The following VMP1 variants were observed in gnomAD, a reference collection of about 807,000 sequenced individuals.
VMP1 encodes ectopic P-granules autophagy protein 3 homolog.
In VMP1, 11 loss-of-function variants were observed where a neutral mutation model predicts 56.0. The observed-to-expected ratio is 0.20, with a 90% CI of 0.12 to 0.32. The LOEUF (loss-of-function observed/expected upper bound fraction) is 0.32. Ranked by LOEUF, VMP1 falls within the 10% of genes least tolerant of loss-of-function variation. VMP1 has a pLI of 1.00. For synonymous variants in VMP1, 149 were observed against 165.0 expected, an observed-to-expected ratio of 0.90 and a Z score of 0.74; for missense variants, 296 against 490.3, an observed-to-expected ratio of 0.60 and a Z score of 3.74.
At chr17:59,800,429 C>G (rs758999999) in intron 7 of VMP1, among the ~76,000 whole-genome samples, 3 of 152,126 alleles carry the variant, frequency 2.0e-5, no homozygotes, top group Non-Finnish European at 4.4e-5. Context: ...CAGAAACCAG[C>G]AAGTAATTTT....
intron 10 of VMP1, among the ~76,000 whole-genome samples, chr17:59,824,093 A>T (rs1031748196): frequency 2.0e-5 from 3 of 151,914 alleles, no homozygotes; most frequent in African/African-American, 7.2e-5. Context: ...TCCACTAAAC[A>T]TACAAAAATT....
intron 7 of VMP1, among the ~76,000 whole-genome samples, chr17:59,789,547 T>C (rs925101587): frequency 3.3e-5 from 5 of 151,550 alleles, no homozygotes; most frequent in African/African-American, 7.3e-5. Flanking sequence ...AAAGGCCCTG[T>C]ATTGAAACTT....
chr17:59,783,734 A>G (rs1266922505), intron 7 of VMP1, among the ~76,000 whole-genome samples: 1 of 152,090 alleles, frequency 6.6e-6, no homozygotes, highest in East Asian at 1.9e-4. Flanking sequence ...TCTCCATAGT[A>G]TCTTACATGC....
chr17:59,805,342 A>G (rs2037809692), intron 7 of VMP1, among the ~76,000 whole-genome samples: 1 of 152,212 alleles, frequency 6.6e-6, no homozygotes, highest in African/African-American at 2.4e-5. Flanking sequence ...CCTCTTTGTT[A>G]GTAATGATCA....
chr17:59,771,238 T>C (rs1166495446), intron 6 of VMP1, among the ~76,000 whole-genome samples: 1 of 151,554 alleles, frequency 6.6e-6, no homozygotes, highest in Non-Finnish European at 1.5e-5. Context: ...AGTGGCACAA[T>C]CACAGCTCAC....
chr17:59,722,462 ATT>A (rs1476662094), intron 1 of VMP1, among the ~76,000 whole-genome samples: 4 of 152,094 alleles, frequency 2.6e-5, no homozygotes, highest in Non-Finnish European at 5.9e-5. Context: ...TTAGTTAATA[ATT>A]TTATGGTTAT....
At chr17:59,756,935 A>G (rs2035862116) in intron 5 of VMP1, among the ~76,000 whole-genome samples, 1 of 152,204 alleles carries the variant, frequency 6.6e-6, no homozygotes, top group African/African-American at 2.4e-5. Context: ...TTTAAATGCT[A>G]CAAAGTGTGT....
In VMP1 at chr17:59,729,458, G is replaced by A. The variant is rs1355150870; in HGVS notation, c.-26-1963G>A. Among the ~76,000 whole-genome samples the A allele has an allele frequency of 2.1e-5, 3 of 143,874 alleles. No homozygotes were observed. In the South Asian group the frequency reaches 6.8e-4, roughly 32 times the overall value. 94.4% of individuals were successfully genotyped at this position (143,874 alleles called of 152,430 possible). A position where few individuals can be genotyped will look rare whatever the true frequency, so the allele number is the denominator to read the frequency against. ...AGATCATGCCACTGCACTCCAGCCT[G>A]AGCGACAGAGACTCCATCTCAAAAA... On this transcript the variant is annotated intron_variant, in intron 1 of 11. Coordinates refer to ENST00000262291, the MANE Select transcript of VMP1 (RefSeq NM_030938.5).
chr17:59,768,144 T>C (rs954491538), intron 6 of VMP1, among the ~76,000 whole-genome samples: 4 of 152,142 alleles, frequency 2.6e-5, no homozygotes, highest in African/African-American at 9.7e-5. Flanking sequence ...TGAAAAAGTT[T>C]TCCATGTAGT....
intron 5 of VMP1, among the ~76,000 whole-genome samples, chr17:59,752,770 T>C (rs2035700250): frequency 6.6e-6 from 1 of 152,186 alleles, no homozygotes; most frequent in South Asian, 2.1e-4. Flanking sequence ...TGAACAGGTC[T>C]AAAGATCTAA....
At position 59,764,991 on chromosome 17, in the gene VMP1, T is replaced by C; in HGVS notation, c.435T>C (p.Val145=). Residue 145 remains valine (V), a synonymous_variant, in exon 6 of 12, where the codon GTT becomes GTC. Coordinates refer to ENST00000262291, the MANE Select transcript of VMP1 (RefSeq NM_030938.5). The part of the protein sequence containing the change: ...LLYLGPHIAS[V]TLAAYECNSV... ...TATAGGGTCCACATATAGCCTCAGT[T>C]ACATTAGCTGCTTATGAATGCAATT... The C allele has an allele frequency of 6.2e-7, 1 of 1,611,394 alleles. No homozygotes were observed. Among genetic ancestry groups the C allele is most frequent in the South Asian group, 1.1e-5 (1 of 90,470 alleles).
rs1245883026 is a variant in VMP1, at chr17:59,831,836, T to A, written c.975-6459T>A. ...TAACAGAAGTTAACAATAACAAAAG[T>A]GTAAAAATTGCCACTAGCATCATTT... On this transcript the variant is annotated intron_variant, in intron 10 of 11. Coordinates refer to ENST00000262291, the MANE Select transcript of VMP1 (RefSeq NM_030938.5). Among the ~76,000 whole-genome samples the A allele has an allele frequency of 7.3e-5, 11 of 151,482 alleles. 1 individual carries two copies. The South Asian group carries it at 2.1e-3, about 29-fold the overall frequency.
chr17:59,722,127 A>G (rs150423837), intron 1 of VMP1, among the ~76,000 whole-genome samples: 1 of 152,278 alleles, frequency 6.6e-6, no homozygotes, highest in East Asian at 1.9e-4. Flanking sequence ...GTATCTCCAA[A>G]TTATAGTCAC....
intron 7 of VMP1, among the ~76,000 whole-genome samples, chr17:59,793,872 G>A (rs1277823210): frequency 6.6e-6 from 1 of 151,570 alleles, no homozygotes; most frequent in African/African-American, 2.4e-5. Flanking sequence ...TGATCCGCCT[G>A]CCTCGGCCTC....
At chr17:59,716,338 G>A (rs1339577076) in intron 1 of VMP1, among the ~76,000 whole-genome samples, 4 of 152,158 alleles carry the variant, frequency 2.6e-5, no homozygotes, top group African/African-American at 7.2e-5. Flanking sequence ...TAGATACTAC[G>A]TGAGTTTCGT....
At chr17:59,748,857 C>A (rs1039536793) in intron 5 of VMP1, among the ~76,000 whole-genome samples, 12 of 151,024 alleles carry the variant, frequency 7.9e-5, no homozygotes, top group Non-Finnish European at 1.5e-4. Flanking sequence ...ATAAAAGTTT[C>A]TTAAAAGAGT....
chr17:59,828,937 G>A (rs911761223), intron 10 of VMP1, among the ~76,000 whole-genome samples: 5 of 152,116 alleles, frequency 3.3e-5, no homozygotes, highest in Non-Finnish European at 5.9e-5. Flanking sequence ...CCAACATGGT[G>A]AAACCCTGTC....
At chr17:59,778,797 G>T (rs569720332) in intron 7 of VMP1, among the ~76,000 whole-genome samples, 11 of 152,260 alleles carry the variant, frequency 7.2e-5, no homozygotes, top group Non-Finnish European at 1.5e-4. Flanking sequence ...ACTTATGATT[G>T]TTCACCTTTA....
chr17:59,785,194 C>A (rs2036966118), intron 7 of VMP1, among the ~76,000 whole-genome samples: 1 of 152,134 alleles, frequency 6.6e-6, no homozygotes, highest in African/African-American at 2.4e-5. Flanking sequence ...TATTTACTTA[C>A]AAGAATATGT....
Sources: allele counts gnomAD v4.1 joint callset (sites outside exome capture counted in the v4.1 genomes callset), GRCh38; gene constraint gnomAD v4.1.1; transcripts MANE v1.5; gene names NCBI Gene and HGNC (gene_info 2026-07-23, HGNC 2026-07-21).